Variants in BCL2 observed in about 807,000 individuals in gnomAD.
BCL2 encodes the protein BCL2 apoptosis regulator, also known as apoptosis regulator Bcl-2.
In BCL2, 1 loss-of-function variant was observed where a neutral mutation model predicts 14.2. The observed-to-expected ratio is 0.07, with a 90% CI of 0.02 to 0.33. The LOEUF (loss-of-function observed/expected upper bound fraction) is 0.33, where lower values mean the gene tolerates loss of function less well. BCL2 is among the 10% of genes least tolerant of loss of function. The pLI is 0.99. For missense variants in BCL2, 247 were observed against 305.9 expected (o/e 0.81, Z 1.44); for synonymous variants, 151 against 137.2 (o/e 1.10, Z -0.70).
At chr18:63,135,318 C>G (rs1914181649) in intron 2 of BCL2, among the ~76,000 whole-genome samples, 1 of 152,198 alleles carries the variant, frequency 6.6e-6, no homozygotes, top group African/African-American at 2.4e-5. Flanking sequence ...CAGCCCAAAA[C>G]AAGTCTCATC....
chr18:63,218,640 T>TC (rs143799181), intron 2 of BCL2, among the ~76,000 whole-genome samples: 2 of 6,320 alleles, frequency 3.2e-4, no homozygotes, highest in African/African-American at 4.8e-4. Context: ...CATCCACTCA[T>TC]CCCATCCTCC....
chr18:63,205,626 G>A (rs1349149746), intron 2 of BCL2, among the ~76,000 whole-genome samples: 2 of 151,900 alleles, frequency 1.3e-5, no homozygotes, highest in African/African-American at 2.4e-5. Flanking sequence ...CGAACACTAC[G>A]AAAAGAAAAA....
At chr18:63,181,972 G>A (rs1265242007) in intron 2 of BCL2, among the ~76,000 whole-genome samples, 2 of 152,184 alleles carry the variant, frequency 1.3e-5, no homozygotes, top group Non-Finnish European at 2.9e-5. Context: ...CCAGGCACCT[G>A]CTGGGGGGCA....
chr18:63,152,708 A>G (rs1229705836), intron 2 of BCL2, among the ~76,000 whole-genome samples: 1 of 152,272 alleles, frequency 6.6e-6, no homozygotes, highest in Admixed American at 6.5e-5. Context: ...GCTTGTCCTC[A>G]GTGCCTACTA....
intron 2 of BCL2, chr18:63,314,209 C>A (rs1301710605): frequency 6.6e-6 from 1 of 152,186 alleles, no homozygotes; most frequent in Non-Finnish European, 1.5e-5. Context: ...TTATTTAAGA[C>A]TAGATCATCT....
At chr18:63,266,509 G>A (rs983158588) in intron 2 of BCL2, among the ~76,000 whole-genome samples, 2 of 151,154 alleles carry the variant, frequency 1.3e-5, no homozygotes, top group African/African-American at 4.9e-5. Context: ...TTTATAATAT[G>A]TGCTTCTATT....
intron 2 of BCL2, among the ~76,000 whole-genome samples, chr18:63,297,474 A>C (rs990747092): frequency 1.8e-4 from 27 of 152,214 alleles, no homozygotes; most frequent in Non-Finnish European, 1.8e-4. Context: ...CCTGGTAGCC[A>C]CAGCCACGGC....
chr18:63,258,869 G>T (rs1310303649), intron 2 of BCL2, among the ~76,000 whole-genome samples: 1 of 152,218 alleles, frequency 6.6e-6, no homozygotes, highest in East Asian at 1.9e-4. Flanking sequence ...GGATGATTAA[G>T]AACCGACTAA....
chr18:63,257,406 A>T (rs1020889243), intron 2 of BCL2, among the ~76,000 whole-genome samples: 1 of 152,270 alleles, frequency 6.6e-6, no homozygotes, highest in Non-Finnish European at 1.5e-5. Context: ...ATTCTAAAGT[A>T]CTAAACAAAC....
rs1914202190 is a variant in BCL2, at chr18:63,136,167, C to A, written c.586-7408G>T. On this transcript the variant is annotated intron_variant, in intron 2 of 2. Coordinates refer to ENST00000333681, the MANE Select transcript of BCL2 (RefSeq NM_000633.3). ...TCTGTCTGGACATTTTCTTTTCTCT[C>A]TTTGACCAATCTCTTTCACTCTCTT... Among the ~76,000 whole-genome samples, 3 of 152,194 alleles carry A rather than the reference C, an allele frequency of 2.0e-5. No individual in the cohort carries two copies. The South Asian group carries it at 6.2e-4, about 32-fold the overall frequency.
At chr18:63,223,173 G>T (rs765945865) in intron 2 of BCL2, among the ~76,000 whole-genome samples, 1 of 152,008 alleles carries the variant, frequency 6.6e-6, no homozygotes. Context: ...AGGCCAACGT[G>T]GGCGGATCAC....
chr18:63,309,269 G>A (rs979547152), intron 2 of BCL2, among the ~76,000 whole-genome samples: 5 of 152,158 alleles, frequency 3.3e-5, no homozygotes, highest in African/African-American at 9.6e-5. Context: ...TACATGATTC[G>A]AGGGGAAAGA....
At position 63,155,652 on chromosome 18, in the gene BCL2, G is replaced by C. The variant is rs4987812; in HGVS notation, c.586-26893C>G. Among the ~76,000 whole-genome samples, 509 of 152,308 alleles carry C rather than the reference G, an allele frequency of 3.3e-3. 5 individuals carry two copies. The highest frequency in any genetic ancestry group is 0.011 in the African/African-American group (468 of 41,562). ...TGTTGGCTGAGACGGACGTTAGAGC[G>C]AGCAGGTGAGAAGAGGCTGGGAGGA... On this transcript the variant is annotated intron_variant, in intron 2 of 2. Coordinates refer to ENST00000333681, the MANE Select transcript of BCL2 (RefSeq NM_000633.3).
intron 2 of BCL2, among the ~76,000 whole-genome samples, chr18:63,211,259 T>A (rs1352119310): frequency 6.6e-6 from 1 of 151,972 alleles, no homozygotes; most frequent in African/African-American, 2.4e-5. Context: ...GATTTCACTA[T>A]GTTGGCCAGG....
chr18:63,245,347 A>C (rs1283426894), intron 2 of BCL2, among the ~76,000 whole-genome samples: 1 of 152,196 alleles, frequency 6.6e-6, no homozygotes, highest in Non-Finnish European at 1.5e-5. Flanking sequence ...AGTCAGACCA[A>C]GGAACTCCAT....
chr18:63,147,167 C>T (rs969644111), intron 2 of BCL2, among the ~76,000 whole-genome samples: 17 of 152,284 alleles, frequency 1.1e-4, no homozygotes, highest in Middle Eastern at 3.4e-3. Flanking sequence ...TGAGTGTCGA[C>T]GCACCCTTTC....
intron 2 of BCL2, among the ~76,000 whole-genome samples, chr18:63,169,392 T>C (rs1183067422): frequency 1.4e-4 from 17 of 124,792 alleles, no homozygotes; most frequent in South Asian, 1.4e-3. Context: ...TCTTTCTTTT[T>C]CTTTCTTTCT....
At chr18:63,166,217 T>G (rs1915040791) in intron 2 of BCL2, among the ~76,000 whole-genome samples, 1 of 152,158 alleles carries the variant, frequency 6.6e-6, no homozygotes, top group African/African-American at 2.4e-5. Context: ...CAGGAAGTGC[T>G]AAGGAGAAAG....
intron 2 of BCL2, among the ~76,000 whole-genome samples, chr18:63,158,871 T>C (rs1455191330): frequency 1.3e-5 from 2 of 152,236 alleles, no homozygotes; most frequent in Non-Finnish European, 2.9e-5. Context: ...TATAGATTTA[T>C]GCTCAGGTTA....
Sources: gnomAD v4.1 joint callset for allele counts (sites outside exome capture counted in the v4.1 genomes callset) on GRCh38, gnomAD v4.1.1 for gene constraint, MANE v1.5 for transcripts, NCBI Gene and HGNC (gene_info 2026-07-23, HGNC 2026-07-21) for gene names.